GRM1: variants seen among roughly 807,000 people sequenced by gnomAD.
GRM1 encodes the protein glutamate metabotropic receptor 1.
GRM1 carries 33 observed loss-of-function variants against 90.9 expected under a neutral mutation model. That is an observed-to-expected ratio of 0.36 (90% CI 0.28 to 0.49). The LOEUF is 0.49. Ranked by LOEUF, GRM1 falls within the 20% of genes least tolerant of loss-of-function variation. The probability of loss-of-function intolerance (pLI) is 0.99; values close to 1 mark genes in which losing one functional copy is unlikely to be tolerated. For missense variants in GRM1, 1,190 were observed against 1,534.3 expected, an observed-to-expected ratio of 0.78 and a Z score of 3.75; for synonymous variants, 700 against 613.2, an observed-to-expected ratio of 1.14 and a Z score of -2.09.
intron 2 of GRM1, among the ~76,000 whole-genome samples, chr6:146,286,896 T>G (rs2114871414): frequency 6.6e-6 from 1 of 152,290 alleles, no homozygotes; most frequent in East Asian, 1.9e-4. Context: ...AAAATAATGT[T>G]AAATGGCAGG....
At chr6:146,194,410 T>C (rs1244196178) in intron 2 of GRM1, among the ~76,000 whole-genome samples, 1 of 152,226 alleles carries the variant, frequency 6.6e-6, no homozygotes. Context: ...CAGCTAACAC[T>C]GTAATGTTAT....
chr6:146,148,725 A>G (rs992809273), intron 1 of GRM1, among the ~76,000 whole-genome samples: 2 of 152,192 alleles, frequency 1.3e-5, no homozygotes, highest in African/African-American at 2.4e-5. Context: ...CAAAAAGATG[A>G]GAAAAATGTA....
intron 2 of GRM1, among the ~76,000 whole-genome samples, chr6:146,203,378 C>T (rs1418279842): frequency 6.6e-6 from 1 of 152,018 alleles, no homozygotes; most frequent in Admixed American, 6.6e-5. Context: ...TTGCTCTGTC[C>T]TCCACCAGGG....
chr6:146,218,160 T>C (rs1779939225), intron 2 of GRM1, among the ~76,000 whole-genome samples: 1 of 152,142 alleles, frequency 6.6e-6, no homozygotes, highest in Non-Finnish European at 1.5e-5. Context: ...AATGAAACCA[T>C]GTGTCACTGT....
chr6:146,131,172 C>T (rs1041409384), intron 1 of GRM1, among the ~76,000 whole-genome samples: 2 of 152,176 alleles, frequency 1.3e-5, no homozygotes, highest in African/African-American at 4.8e-5. Context: ...ACTAAGAAGA[C>T]AGCACACATT....
chr6:146,058,376 T>A (rs780072957), intron 1 of GRM1, among the ~76,000 whole-genome samples: 1 of 152,168 alleles, frequency 6.6e-6, no homozygotes, highest in Non-Finnish European at 1.5e-5. Flanking sequence ...AACTTATGTT[T>A]ACACTATACT....
At chr6:146,303,345 A>T (rs553926191) in intron 2 of GRM1, among the ~76,000 whole-genome samples, 38 of 152,256 alleles carry the variant, frequency 2.5e-4, no homozygotes, top group Non-Finnish European at 4.6e-4. Context: ...CCCCTGACCA[A>T]GACAGCCTTA....
intron 1 of GRM1, among the ~76,000 whole-genome samples, chr6:146,042,404 A>G (rs573963928): frequency 6.6e-5 from 10 of 152,126 alleles, no homozygotes; most frequent in African/African-American, 2.4e-4. Flanking sequence ...AGGGGAAAAA[A>G]TTAAGCAGTT....
chr6:146,042,157 A>G (rs749660985), intron 1 of GRM1, among the ~76,000 whole-genome samples: 2 of 151,998 alleles, frequency 1.3e-5, no homozygotes, highest in Non-Finnish European at 1.5e-5. Context: ...TACCACCACA[A>G]TGGGGATTAA....
chr6:146,437,255 T>A lies in GRM1; in HGVS notation c.*2459T>A, dbSNP rs946699108. The A allele has an allele frequency of 6.6e-6, 1 of 152,240 alleles. No individual in the cohort carries two copies. The allele number at this position is 152,240 out of a possible 1,614,324, so 9.4% of individuals were successfully genotyped here. A position where few individuals can be genotyped will look rare whatever the true frequency, so the allele number is the denominator to read the frequency against. ...CAGATTTTTAAAAAATTAGGATAGA[T>A]AAGGAAACAACTTATATTCAAGTGT... On this transcript the variant is annotated 3_prime_UTR_variant, in exon 8 of 8. Coordinates refer to ENST00000282753, the MANE Select transcript of GRM1 (RefSeq NM_001278064.2).
chr6:146,184,622 C>T (rs1014023751), intron 2 of GRM1, among the ~76,000 whole-genome samples: 1 of 152,118 alleles, frequency 6.6e-6, no homozygotes, highest in Non-Finnish European at 1.5e-5. Flanking sequence ...TCCTATACCT[C>T]TCTATCTTGT....
intron 1 of GRM1, among the ~76,000 whole-genome samples, chr6:146,060,556 T>C (rs1340388000): frequency 6.6e-6 from 1 of 152,176 alleles, no homozygotes; most frequent in African/African-American, 2.4e-5. Flanking sequence ...TAGCTCCATC[T>C]ACATTGCTGC....
Position 146,399,682 on chromosome 6 carries a change from AG to A in GRM1, c.2647del (p.Ala883GlnfsTer35). 1 of 1,611,622 alleles carries A rather than the reference AG, an allele frequency of 6.2e-7. No homozygotes were observed. Among genetic ancestry groups the A allele is most frequent in the South Asian group, 1.1e-5 (1 of 90,966 alleles). ...TCAACATCTTCCGAAGAAAGAAGGCAGGGGCAGGGAATGCCAAGTGAGTTAT... is the reference window on the plus strand; with the variant it reads ...TCAACATCTTCCGAAGAAAGAAGGCAGGGCAGGGAATGCCAAGTGAGTTAT... ...FLNIFRRKKA[G>X]AGNANSNGKS... On this transcript the variant is annotated frameshift_variant, in exon 7 of 8. Transcript: ENST00000282753. LOFTEE classifies it high-confidence loss of function. The surrounding 1 kb of genome is among the most constrained non-coding windows in gnomAD (Gnocchi z 5.4).
intron 2 of GRM1, among the ~76,000 whole-genome samples, chr6:146,185,426 C>T (rs1246822323): frequency 6.6e-6 from 1 of 152,162 alleles, no homozygotes; most frequent in East Asian, 1.9e-4. Context: ...GATTTGGCTA[C>T]CTGGGAGTAG....
At chr6:146,288,932 C>T (rs887620265) in intron 2 of GRM1, among the ~76,000 whole-genome samples, 2 of 152,150 alleles carry the variant, frequency 1.3e-5, no homozygotes, top group African/African-American at 4.8e-5. Flanking sequence ...ATGCACTGCT[C>T]ACATATTTGT....
chr6:146,339,220 T>C (rs903050346), intron 3 of GRM1, among the ~76,000 whole-genome samples: 2 of 152,238 alleles, frequency 1.3e-5, no homozygotes, highest in African/African-American at 4.8e-5. Context: ...TATCAGGTGC[T>C]GACATTTTCA....
chr6:146,090,564 C>G (rs1776682100), intron 1 of GRM1, among the ~76,000 whole-genome samples: 2 of 152,128 alleles, frequency 1.3e-5, no homozygotes, highest in South Asian at 2.1e-4. Context: ...AAAATAAACT[C>G]TCTTAACTAT....
chr6:146,235,716 G>A (rs926301899), intron 2 of GRM1, among the ~76,000 whole-genome samples: 28 of 147,336 alleles, frequency 1.9e-4, no homozygotes, highest in African/African-American at 6.7e-4. Context: ...GTGTGTGTGT[G>A]TGTGTGTGTG....
chr6:146,053,595 T>G (rs1387325460), intron 1 of GRM1, among the ~76,000 whole-genome samples: 1 of 152,080 alleles, frequency 6.6e-6, no homozygotes, highest in Non-Finnish European at 1.5e-5. Flanking sequence ...ACTGATGGAC[T>G]GAATCCTGCT....
Sources: allele counts gnomAD v4.1 joint callset (sites outside exome capture counted in the v4.1 genomes callset), GRCh38; gene constraint gnomAD v4.1.1; non-coding constraint Gnocchi (gnomAD v3.1); transcripts MANE v1.5; gene names NCBI Gene and HGNC (gene_info 2026-07-23, HGNC 2026-07-21).